Variants in SLC17A6 observed in about 807,000 individuals in gnomAD.
The protein encoded by SLC17A6 is solute carrier family 17 member 6, also known as vesicular glutamate transporter 2.
In SLC17A6, 35 loss-of-function variants were observed where a neutral mutation model predicts 67.1. The ratio of observed to expected loss-of-function variants is 0.52; its 90% CI spans 0.40 to 0.69. The LOEUF is 0.69. Ranked by LOEUF, SLC17A6 falls within the 30% of genes least tolerant of loss-of-function variation. The pLI, the probability that SLC17A6 is intolerant of heterozygous loss-of-function variation, is 0.00. For missense variants in SLC17A6, 588 were observed against 723.9 expected, an observed-to-expected ratio of 0.81 and a Z score of 2.15; for synonymous variants, 285 against 252.3, an observed-to-expected ratio of 1.13 and a Z score of -1.23.
chr11:22,363,821 A>G (rs765493465), intron 6 of SLC17A6, among the ~76,000 whole-genome samples: 2 of 152,050 alleles, frequency 1.3e-5, no homozygotes, highest in Admixed American at 6.6e-5. Context: ...TCAGATTTTA[A>G]TTTATACTCT....
chr11:22,358,090 T>C (rs1446773238), intron 3 of SLC17A6, among the ~76,000 whole-genome samples: 1 of 152,194 alleles, frequency 6.6e-6, no homozygotes, highest in Non-Finnish European at 1.5e-5. Context: ...AATCCAGGTC[T>C]TTAACAGTAA....
intron 3 of SLC17A6, among the ~76,000 whole-genome samples, chr11:22,354,291 TC>T (rs1855974608): frequency 6.6e-6 from 1 of 152,008 alleles, no homozygotes; most frequent in African/African-American, 2.4e-5. Context: ...ACCATGTTGG[TC>T]GGGCTGGTCT....
intron 3 of SLC17A6, among the ~76,000 whole-genome samples, chr11:22,359,121 T>C (rs910153666): frequency 8.5e-5 from 13 of 152,206 alleles, no homozygotes; most frequent in African/African-American, 3.1e-4. Flanking sequence ...TATTGATTTA[T>C]TAAATATTTA....
chr11:22,349,719 G>A (rs1855917589), intron 3 of SLC17A6, among the ~76,000 whole-genome samples: 3 of 152,210 alleles, frequency 2.0e-5, no homozygotes. Flanking sequence ...CATGAGTGAT[G>A]AAGTCATTTT....
chr11:22,343,140 T>C (rs1471193226), intron 2 of SLC17A6, 107 bp from the exon 3 acceptor site: 13 of 898,918 alleles, frequency 1.4e-5, no homozygotes, highest in Non-Finnish European at 2.2e-5. Context: ...CCAGAATGCA[T>C]GAAGCGCCCA....
intron 1 of SLC17A6, among the ~76,000 whole-genome samples, chr11:22,340,668 G>A (rs1010497051): frequency 2.0e-5 from 3 of 152,158 alleles, no homozygotes; most frequent in Non-Finnish European, 2.9e-5. Flanking sequence ...AATGACGCAA[G>A]ATTGTGAATA....
intron 3 of SLC17A6, among the ~76,000 whole-genome samples, chr11:22,356,705 G>T (rs1423138747): frequency 6.6e-6 from 1 of 152,132 alleles, no homozygotes; most frequent in Non-Finnish European, 1.5e-5. Flanking sequence ...GCATGTTGGC[G>T]TGGGCCTGTA....
chr11:22,353,125 T>C lies in SLC17A6; in HGVS notation c.459-6288T>C, dbSNP rs78558386. ...AGTCTATTAAAGATTAGGAAATTTC[T>C]GTATAATAATGGCTAACCTTGACAA... On this transcript the variant is annotated intron_variant, in intron 3 of 11. Transcript: ENST00000263160. Among the ~76,000 whole-genome samples the C allele has an allele frequency of 6.1e-3, 925 of 152,330 alleles. 35 individuals are homozygous for C. The East Asian group carries it at 0.11, about 18-fold the overall frequency.
chr11:22,359,343 T>G (rs1856024474), intron 3 of SLC17A6, 70 bp from the exon 4 acceptor site: 1 of 898,360 alleles, frequency 1.1e-6, no homozygotes, highest in Admixed American at 3.3e-5. Flanking sequence ...TCACTTCTCC[T>G]GAGAAATTTA....
intron 3 of SLC17A6, among the ~76,000 whole-genome samples, chr11:22,350,666 T>C (rs1855927632): frequency 6.6e-6 from 1 of 152,190 alleles, no homozygotes; most frequent in African/African-American, 2.4e-5. Context: ...CTTTCCTTTT[T>C]TTCCCCAGCC....
chr11:22,363,329 G>A (rs1856073876), intron 6 of SLC17A6, among the ~76,000 whole-genome samples: 1 of 152,268 alleles, frequency 6.6e-6, no homozygotes, highest in Admixed American at 6.5e-5. Flanking sequence ...GCATATCTCA[G>A]TCCTCCAGAA....
At chr11:22,362,555 T>A (rs1313449505) in intron 5 of SLC17A6, among the ~76,000 whole-genome samples, 184 bp from the exon 6 acceptor site, 1 of 152,144 alleles carries the variant, frequency 6.6e-6, no homozygotes, top group Non-Finnish European at 1.5e-5. Flanking sequence ...ACTTGTGTAA[T>A]CCCGTGTTCC....
At chr11:22,376,768 CTTT>C (rs935923436) in intron 11 of SLC17A6, 96 bp downstream of exon 11, 10 of 1,321,042 alleles carry the variant, frequency 7.6e-6, no homozygotes, top group Non-Finnish European at 1.1e-5. Context: ...TTAGCATTTT[CTTT>C]CTTGTCCAGT....
intron 3 of SLC17A6, among the ~76,000 whole-genome samples, chr11:22,353,603 C>T (rs907917025): frequency 1.3e-5 from 2 of 152,186 alleles, no homozygotes; most frequent in Non-Finnish European, 2.9e-5. Flanking sequence ...AATATGGCAG[C>T]TGCTCAGTCA....
At position 22,376,106 on chromosome 11, in the gene SLC17A6, T is replaced by A; in HGVS notation, c.1285+14T>A. 6.3e-7 allele frequency: 1 copy of A among 1,590,414 alleles called. No individual in the cohort carries two copies. The highest frequency in any genetic ancestry group is 2.2e-5 in the East Asian group (1 of 44,702). On this transcript the variant is annotated intron_variant, in intron 10 of 11. Coordinates refer to ENST00000263160, the MANE Select transcript of SLC17A6 (RefSeq NM_020346.3). ...TTGCTATATCTGGTAAGATATAATTTTTTTTCTTTGTACTTGGGACATTCT... is the reference window on the plus strand; with the variant it reads ...TTGCTATATCTGGTAAGATATAATTATTTTTCTTTGTACTTGGGACATTCT...
At chr11:22,343,493 T>C in intron 3 of SLC17A6, 128 bp downstream of exon 3, 1 of 681,362 alleles carries the variant, frequency 1.5e-6, no homozygotes. Flanking sequence ...TTCTAGTCCC[T>C]TGACACACCC....
intron 3 of SLC17A6, among the ~76,000 whole-genome samples, chr11:22,344,985 A>T (rs901387900): frequency 4.6e-5 from 7 of 152,182 alleles, no homozygotes; most frequent in Non-Finnish European, 7.3e-5. Context: ...GGAGAAAAAA[A>T]AATCCAACAA....
chr11:22,340,512 A>C (rs959068540), intron 1 of SLC17A6, among the ~76,000 whole-genome samples: 1 of 152,194 alleles, frequency 6.6e-6, no homozygotes, highest in African/African-American at 2.4e-5. Flanking sequence ...ACTATGCAAA[A>C]ACAAATATTT....
At position 22,338,451 on chromosome 11, in the gene SLC17A6, G is replaced by C. The variant is rs545603918; in HGVS notation, c.-83G>C. 9.8e-7 allele frequency: 1 copy of C among 1,018,942 alleles called. No homozygotes were observed. Among genetic ancestry groups the C allele is most frequent in the East Asian group, 2.4e-5 (1 of 41,918 alleles). The allele number at this position is 1,018,942 out of a possible 1,614,324, so 63.1% of individuals were successfully genotyped here. On this transcript the variant is annotated 5_prime_UTR_variant, in exon 1 of 12. Transcript: ENST00000263160. The stretch of plus-strand genomic sequence containing the variant: ...GGAAAAGCCCGCAACTACTTTAAGA[G>C]ATTAAGACAATATGCGCAATCCTCG...
Sources: gnomAD v4.1 joint callset for allele counts (sites outside exome capture counted in the v4.1 genomes callset) on GRCh38, gnomAD v4.1.1 for gene constraint, MANE v1.5 for transcripts, NCBI Gene and HGNC (gene_info 2026-07-23, HGNC 2026-07-21) for gene names.